Variants in PKP4 observed in about 807,000 individuals in gnomAD.
PKP4 encodes plakophilin 4.
A neutral mutation model predicts 145.1 loss-of-function variants in PKP4; 90 were observed. The observed-to-expected ratio is 0.62, with a 90% CI of 0.52 to 0.74. The LOEUF (loss-of-function observed/expected upper bound fraction) is 0.74. PKP4 is among the 30% of genes least tolerant of loss of function. PKP4 has a pLI of 0.00. For missense variants in PKP4, 1,340 were observed against 1,482.7 expected (o/e 0.90, Z 1.58); for synonymous variants, 563 against 577.2 (o/e 0.98, Z 0.35).
rs372583849 is a variant in PKP4, at chr2:158,618,720, G to A, written c.281-2270G>A. On this transcript the variant is annotated intron_variant, in intron 4 of 21. Coordinates refer to ENST00000389759, the MANE Select transcript of PKP4 (RefSeq NM_003628.6). ...TTCTGAGCTACAATTTTTAGGGTAT[G>A]TTTCTCTTTTTCTGTTTTTTTTTTA... is the stretch of plus-strand genomic sequence containing the variant. 7.9e-5 allele frequency among the ~76,000 whole-genome samples: 12 copies of A among 151,422 alleles called. 2 individuals are homozygous for A. The highest frequency in any genetic ancestry group is 6.6e-4 in the Admixed American group (10 of 15,214).
intron 1 of PKP4, among the ~76,000 whole-genome samples, chr2:158,490,735 G>C (rs1694821252): frequency 6.6e-6 from 1 of 151,570 alleles, no homozygotes; most frequent in Non-Finnish European, 1.5e-5. Context: ...CTGGAAGACT[G>C]ATCTGACCAC....
At chr2:158,466,221 A>C (rs1249890153) in intron 1 of PKP4, among the ~76,000 whole-genome samples, 2 of 151,868 alleles carry the variant, frequency 1.3e-5, no homozygotes, top group Admixed American at 6.6e-5. Flanking sequence ...TTCACCTGCT[A>C]CTCTTGGATA....
intron 1 of PKP4, among the ~76,000 whole-genome samples, chr2:158,496,475 A>G (rs796224577): frequency 2.9e-4 from 44 of 152,304 alleles, no homozygotes; most frequent in African/African-American, 1.0e-3. Flanking sequence ...GTGGTGGTAG[A>G]TCAGTCTCCT....
Position 158,620,988 on chromosome 2 carries a change from A to T in PKP4, c.281-2A>T. 1 of 1,613,474 alleles carries T rather than the reference A, an allele frequency of 6.2e-7. No homozygotes were observed. Among genetic ancestry groups the T allele is most frequent in the Non-Finnish European group, 8.5e-7 (1 of 1,179,586 alleles). On this transcript the variant is annotated splice_acceptor_variant, in intron 4 of 21. Coordinates refer to ENST00000389759, the MANE Select transcript of PKP4 (RefSeq NM_003628.6). LOFTEE classifies it high-confidence loss of function. ...TAGCTGATTAAACTTTTCTTGTTAC[A>T]GACGTGCCAAATACTGGTGTAAGCA...
At chr2:158,522,686 A>G (rs1445124281) in intron 1 of PKP4, among the ~76,000 whole-genome samples, 4 of 152,228 alleles carry the variant, frequency 2.6e-5, no homozygotes, top group African/African-American at 9.6e-5. Flanking sequence ...GCGACGCAGA[A>G]GACGGGTGAT....
intron 2 of PKP4, among the ~76,000 whole-genome samples, chr2:158,540,434 A>T (rs910902479): frequency 6.6e-6 from 1 of 152,182 alleles, no homozygotes; most frequent in Non-Finnish European, 1.5e-5. Flanking sequence ...TTAATTAATT[A>T]AAAAATGTTT....
At chr2:158,628,707 A>G (rs2053054642) in intron 7 of PKP4, among the ~76,000 whole-genome samples, 1 of 152,252 alleles carries the variant, frequency 6.6e-6, no homozygotes, top group African/African-American at 2.4e-5. Flanking sequence ...CTGTGCTTAC[A>G]AAACCTTTCA....
At chr2:158,631,543 C>T (rs2053360059) in intron 7 of PKP4, among the ~76,000 whole-genome samples, 1 of 151,830 alleles carries the variant, frequency 6.6e-6, no homozygotes, top group African/African-American at 2.4e-5. Flanking sequence ...ACCACCACAC[C>T]CAACTAATTT....
At chr2:158,657,092 C>T (rs1179196531) in intron 11 of PKP4, among the ~76,000 whole-genome samples, 9 of 152,168 alleles carry the variant, frequency 5.9e-5, no homozygotes, top group Non-Finnish European at 1.0e-4. Flanking sequence ...TGTACAGACT[C>T]GAGCAACTTG....
At chr2:158,620,084 A>G (rs1246362820) in intron 4 of PKP4, among the ~76,000 whole-genome samples, 1 of 152,198 alleles carries the variant, frequency 6.6e-6, no homozygotes, top group Admixed American at 6.5e-5. Flanking sequence ...ATGTGATAAG[A>G]ACTTAATTAT....
At chr2:158,593,818 G>T (rs1426985341) in intron 3 of PKP4, among the ~76,000 whole-genome samples, 1 of 152,166 alleles carries the variant, frequency 6.6e-6, no homozygotes, top group Non-Finnish European at 1.5e-5. Flanking sequence ...ATGAAGAACT[G>T]AGAAAACAAG....
chr2:158,612,133 A>G lies in PKP4; in HGVS notation c.281-8857A>G, dbSNP rs183573550. Reference sequence around the variant, plus strand: ...CACAACTGCACACACACACACACACATAATGTATAGGAAAAAATCTGGAAT... The same window carrying G: ...CACAACTGCACACACACACACACACGTAATGTATAGGAAAAAATCTGGAAT... On this transcript the variant is annotated intron_variant, in intron 4 of 21. Transcript: ENST00000389759. Among the ~76,000 whole-genome samples the G allele has an allele frequency of 5.3e-3, 802 of 152,210 alleles. 7 individuals are homozygous for G. Among genetic ancestry groups the G allele is most frequent in the Non-Finnish European group, 8.8e-3 (596 of 67,992 alleles).
At chr2:158,498,426 C>T (rs1696067473) in intron 1 of PKP4, among the ~76,000 whole-genome samples, 1 of 152,178 alleles carries the variant, frequency 6.6e-6, no homozygotes, top group Non-Finnish European at 1.5e-5. Context: ...TACTTTGCTT[C>T]AGATTTTTTG....
intron 2 of PKP4, among the ~76,000 whole-genome samples, chr2:158,553,501 G>C (rs1377076296): frequency 1.3e-5 from 2 of 152,164 alleles, no homozygotes; most frequent in Non-Finnish European, 2.9e-5. Flanking sequence ...GAGACAGGTT[G>C]AAATATAGGA....
At chr2:158,485,138 A>G (rs1204791159) in intron 1 of PKP4, among the ~76,000 whole-genome samples, 1 of 152,172 alleles carries the variant, frequency 6.6e-6, no homozygotes. Flanking sequence ...CTTCTCTATA[A>G]TTAGAATGTC....
chr2:158,653,651 A>G (rs532077992), intron 11 of PKP4, among the ~76,000 whole-genome samples: 12 of 152,392 alleles, frequency 7.9e-5, no homozygotes, highest in African/African-American at 2.9e-4. Flanking sequence ...ATTGCTTTAA[A>G]TTAAATAAAA....
At chr2:158,679,366 C>T (rs1246735090) in intron 21 of PKP4, 6 of 152,180 alleles carry the variant, frequency 3.9e-5, no homozygotes, top group Admixed American at 2.0e-4. Flanking sequence ...TGTTCTAAGA[C>T]CTCTCCTTCT....
chr2:158,508,381 AAAAAAAAG>A lies in PKP4; in HGVS notation c.-5-24796_-5-24789del, dbSNP rs1460319450. On this transcript the variant is annotated intron_variant, in intron 1 of 21. Coordinates refer to ENST00000389759, the MANE Select transcript of PKP4 (RefSeq NM_003628.6). ...AACTCCGTCTCAAAAAAAAAAAAAA[AAAAAAAAG>A]AAGAAGAAGATGCCAGTGAAGGAAA... 7.5e-4 allele frequency among the ~76,000 whole-genome samples: 105 copies of A among 139,094 alleles called. 1 individual carries two copies. The highest frequency in any genetic ancestry group is 2.7e-3 in the South Asian group (11 of 4,042). The allele number at this position is 139,094 out of a possible 152,430, so 91.3% of individuals were successfully genotyped here. A position where few individuals can be genotyped will look rare whatever the true frequency, so the allele number is the denominator to read the frequency against.
intron 2 of PKP4, among the ~76,000 whole-genome samples, chr2:158,561,224 T>C (rs2046486633): frequency 6.6e-6 from 1 of 152,204 alleles, no homozygotes; most frequent in Admixed American, 6.5e-5. Context: ...TGAGTAGTTG[T>C]GACACAGACC....
Sources: allele counts gnomAD v4.1 joint callset (sites outside exome capture counted in the v4.1 genomes callset), GRCh38; gene constraint gnomAD v4.1.1; transcripts MANE v1.5; gene names NCBI Gene and HGNC (gene_info 2026-07-23, HGNC 2026-07-21).